HMGCLL1: variants seen among roughly 807,000 people sequenced by gnomAD.
The protein encoded by HMGCLL1 is 3-hydroxymethyl-3-methylglutaryl-CoA lyase, cytoplasmic.
HMGCLL1 carries 36 observed loss-of-function variants against 39.1 expected under a neutral mutation model. That is an observed-to-expected ratio of 0.92 (90% CI 0.71 to 1.22). The LOEUF (loss-of-function observed/expected upper bound fraction) is 1.22, where lower values mean the gene tolerates loss of function less well. Among genes scored for constraint, HMGCLL1 ranks in the 50% most tolerant of loss-of-function variants. The probability of loss-of-function intolerance (pLI) is 0.00; values close to 1 mark genes in which losing one functional copy is unlikely to be tolerated. For missense variants in HMGCLL1, 451 were observed against 416.5 expected (o/e 1.08, Z -0.72); for synonymous variants, 149 against 144.0 (o/e 1.03, Z -0.25).
At chr6:55,565,727 T>G (rs1459792393) in intron 1 of HMGCLL1, among the ~76,000 whole-genome samples, 1 of 152,084 alleles carries the variant, frequency 6.6e-6, no homozygotes, top group East Asian at 1.9e-4. Context: ...CTTTCAATAT[T>G]TTCTAGAACA....
the HMGCLL1 span, among the ~76,000 whole-genome samples, chr6:55,649,074 G>A: frequency 6.6e-6 from 1 of 151,954 alleles, no homozygotes; most frequent in African/African-American, 2.4e-5. Flanking sequence ...TTTTTTATTG[G>A]TTCATCATTT....
At chr6:55,652,011 C>G in the HMGCLL1 span, among the ~76,000 whole-genome samples, 1 of 152,034 alleles carries the variant, frequency 6.6e-6, no homozygotes, top group Admixed American at 6.6e-5. Context: ...CTCTCCTGCC[C>G]TCCTCAATGA....
intron 5 of HMGCLL1, chr6:55,513,767 T>C (rs1581881629): frequency 4.9e-6 from 2 of 411,242 alleles, no homozygotes; most frequent in East Asian, 8.2e-5. Context: ...AGGGCTGCAT[T>C]TGGGTGCTAG....
At chr6:55,508,320 T>C (rs560186524) in intron 5 of HMGCLL1, among the ~76,000 whole-genome samples, 1 of 152,020 alleles carries the variant, frequency 6.6e-6, no homozygotes, top group African/African-American at 2.4e-5. Context: ...GATTGACTCA[T>C]TTCAATCCCT....
At chr6:55,662,176 A>T in the HMGCLL1 span, among the ~76,000 whole-genome samples, 1 of 151,360 alleles carries the variant, frequency 6.6e-6, no homozygotes, top group Non-Finnish European at 1.5e-5. Context: ...GGATGCCCTC[A>T]TTTCTTTTTC....
In HMGCLL1 at chr6:55,579,147, G is replaced by A. The variant is rs1376359022; in HGVS notation, c.-92C>T. On this transcript the variant is annotated 5_prime_UTR_variant, in exon 1 of 9. Transcript: ENST00000274901. ...GCTGGGAAACTGCGCCAGCTCGGGA[G>A]CGCGCCCCTCCGGTGCACTGGCTGT... The A allele has an allele frequency of 2.1e-6, 2 of 953,166 alleles. No homozygotes were observed. Among genetic ancestry groups the A allele is most frequent in the Admixed American group, 2.0e-5 (1 of 50,206 alleles). The allele number at this position is 953,166 out of a possible 1,614,324, so 59.0% of individuals were successfully genotyped here. A position where few individuals can be genotyped will look rare whatever the true frequency, so the allele number is the denominator to read the frequency against.
At chr6:55,641,866 A>T in the HMGCLL1 span, among the ~76,000 whole-genome samples, 34 of 129,348 alleles carry the variant, frequency 2.6e-4, no homozygotes, top group Middle Eastern at 3.9e-3. Context: ...TTTTTTTTTA[A>T]TTTTTTTTTA....
At chr6:55,671,561 A>G in the HMGCLL1 span, among the ~76,000 whole-genome samples, 5 of 151,840 alleles carry the variant, frequency 3.3e-5, no homozygotes, top group Admixed American at 6.6e-5. Context: ...AGTAGGTACA[A>G]CTGGTAGAAA....
the HMGCLL1 span, among the ~76,000 whole-genome samples, chr6:55,667,618 G>T: frequency 1.1e-4 from 16 of 151,324 alleles, no homozygotes; most frequent in South Asian, 2.3e-3. Flanking sequence ...TGCTTTGTTG[G>T]TGGTGGTGGT....
intron 7 of HMGCLL1, among the ~76,000 whole-genome samples, chr6:55,447,933 G>A (rs901756932): frequency 1.3e-5 from 2 of 152,134 alleles, no homozygotes; most frequent in Non-Finnish European, 2.9e-5. Flanking sequence ...CACTTTACAT[G>A]CATTGATTCA....
chr6:55,650,109 ATATATAT>A, the HMGCLL1 span, among the ~76,000 whole-genome samples: 1 of 72,996 alleles, frequency 1.4e-5, no homozygotes, highest in Non-Finnish European at 2.4e-5. Flanking sequence ...ATATATATAT[ATATATAT>A]ATATATATAT....
At chr6:55,614,020 T>TCA in the HMGCLL1 span, among the ~76,000 whole-genome samples, 1 of 152,180 alleles carries the variant, frequency 6.6e-6, no homozygotes. Context: ...TAGCAAGTAT[T>TCA]GAAAAATATT....
At chr6:55,658,862 C>G in the HMGCLL1 span, among the ~76,000 whole-genome samples, 3 of 151,834 alleles carry the variant, frequency 2.0e-5, no homozygotes, top group African/African-American at 7.2e-5. Context: ...TATAAAGAAG[C>G]AAGCATATTC....
chr6:55,617,574 A>G, the HMGCLL1 span, among the ~76,000 whole-genome samples: 1 of 152,088 alleles, frequency 6.6e-6, no homozygotes, highest in East Asian at 1.9e-4. Context: ...ATTAAAAGTT[A>G]AGGTGGAAGC....
At chr6:55,535,859 C>T in intron 3 of HMGCLL1, among the ~76,000 whole-genome samples, 1 of 152,178 alleles carries the variant, frequency 6.6e-6, no homozygotes, top group East Asian at 1.9e-4. Flanking sequence ...TTCTTTCTCA[C>T]TCTCTCTTTC....
intron 3 of HMGCLL1, among the ~76,000 whole-genome samples, chr6:55,518,584 G>A (rs1018017867): frequency 1.3e-5 from 2 of 152,126 alleles, no homozygotes; most frequent in Non-Finnish European, 2.9e-5. Flanking sequence ...AAAGGATACA[G>A]CTTCCATATG....
chr6:55,544,685 T>C (rs1581929326), intron 1 of HMGCLL1, among the ~76,000 whole-genome samples: 1 of 152,304 alleles, frequency 6.6e-6, no homozygotes, highest in East Asian at 1.9e-4. Flanking sequence ...GAGCTGTTAT[T>C]GGTTTTATCA....
chr6:55,641,024 A>G, the HMGCLL1 span, among the ~76,000 whole-genome samples: 1 of 151,846 alleles, frequency 6.6e-6, no homozygotes, highest in Non-Finnish European at 1.5e-5. Context: ...CAAAATATAA[A>G]GCCATTAAGA....
the HMGCLL1 span, among the ~76,000 whole-genome samples, chr6:55,657,275 C>T: frequency 1.3e-5 from 2 of 151,892 alleles, no homozygotes; most frequent in African/African-American, 2.4e-5. Context: ...AAACTTTGCC[C>T]ATGCCTATGT....
Sources: gnomAD v4.1 joint callset for allele counts (sites outside exome capture counted in the v4.1 genomes callset) on GRCh38, gnomAD v4.1.1 for gene constraint, MANE v1.5 for transcripts, NCBI Gene and HGNC (gene_info 2026-07-23, HGNC 2026-07-21) for gene names.